MYT1L: variants seen among roughly 807,000 people sequenced by gnomAD.
MYT1L encodes myelin transcription factor 1-like protein.
Under a neutral mutation model 126.7 loss-of-function variants are expected in MYT1L, and 12 were observed. That is an observed-to-expected ratio of 0.09 (90% confidence interval 0.06 to 0.15). The LOEUF (loss-of-function observed/expected upper bound fraction) is 0.15. Ranked by LOEUF, MYT1L falls within the 10% of genes least tolerant of loss-of-function variation. MYT1L has a pLI of 1.00. For missense variants in MYT1L, 979 were observed against 1,585.2 expected (o/e 0.62, Z 6.49); for synonymous variants, 541 against 604.2 (o/e 0.90, Z 1.53).
rs190851532 is a variant in MYT1L at position 2,052,793 on chromosome 2, T to C, written c.-158+1185A>G. On this transcript the variant is annotated intron_variant, in intron 4 of 24. Coordinates refer to ENST00000647738, the MANE Select transcript of MYT1L (RefSeq NM_001303052.2). ...CACAGGAAAGAGTTAAGTGTTGGCC[T>C]GGATATGGAGAAATTGGAATCCTTG... Among the ~76,000 whole-genome samples the C allele has an allele frequency of 2.6e-5, 4 of 152,316 alleles. No individual in the cohort carries two copies. In the East Asian group the frequency reaches 7.7e-4, roughly 29 times the overall value.
chr2:2,144,770 A>G (rs941669671), intron 3 of MYT1L, among the ~76,000 whole-genome samples: 6 of 152,180 alleles, frequency 3.9e-5, no homozygotes, highest in African/African-American at 1.2e-4. Flanking sequence ...TTTAAATGTT[A>G]TTTTTAATAG....
At chr2:2,273,537 G>A (rs2095305772) in intron 2 of MYT1L, among the ~76,000 whole-genome samples, 1 of 152,186 alleles carries the variant, frequency 6.6e-6, no homozygotes, top group East Asian at 1.9e-4. Flanking sequence ...TGGTCGCCCA[G>A]CCAAAGCCAG....
Position 1,793,382 on chromosome 2 carries a change from G to C in MYT1L, c.3277-918C>G, listed in dbSNP as rs1375775318. Among the ~76,000 whole-genome samples, 1 of 152,194 alleles carries C rather than the reference G, an allele frequency of 6.6e-6. No individual in the cohort carries two copies. Among genetic ancestry groups the C allele is most frequent in the Admixed American group, 6.5e-5 (1 of 15,290 alleles). On this transcript the variant is annotated intron_variant, in intron 23 of 24. Transcript: ENST00000647738. This position sits in a 1 kb window ranked among gnomAD's most constrained non-coding sequence, Gnocchi z 4.6. ...TTGGGCACCCAAGGGTGCCTCTGCC[G>C]TGCATGATCTGGGGCTTCTTCCTGG...
At chr2:2,064,161 A>G (rs1402483809) in intron 3 of MYT1L, among the ~76,000 whole-genome samples, 1 of 152,212 alleles carries the variant, frequency 6.6e-6, no homozygotes, top group Non-Finnish European at 1.5e-5. Flanking sequence ...GAAAATGGCA[A>G]GTGTGAAACC....
At chr2:1,871,893 G>A (rs1010614502) in intron 18 of MYT1L, among the ~76,000 whole-genome samples, 2 of 152,138 alleles carry the variant, frequency 1.3e-5, no homozygotes, top group African/African-American at 4.8e-5. Flanking sequence ...GACCATCCAA[G>A]CTGAAGCTGC....
intron 3 of MYT1L, among the ~76,000 whole-genome samples, chr2:2,132,544 GA>G (rs2082510672): frequency 1.3e-5 from 2 of 149,132 alleles, no homozygotes; most frequent in African/African-American, 5.0e-5. Flanking sequence ...TGGACACAGA[GA>G]GGGGAACATC....
At chr2:2,208,150 G>C (rs932709422) in intron 2 of MYT1L, among the ~76,000 whole-genome samples, 2 of 152,088 alleles carry the variant, frequency 1.3e-5, no homozygotes, top group Non-Finnish European at 2.9e-5. Context: ...GCCGTCTCAG[G>C]GGAAGCCCAC....
chr2:2,233,541 C>T (rs2094210575), intron 2 of MYT1L, among the ~76,000 whole-genome samples: 2 of 152,218 alleles, frequency 1.3e-5, no homozygotes, highest in Admixed American at 1.3e-4. Flanking sequence ...TCTGGTGTCT[C>T]AGGACACTCG....
intron 1 of MYT1L, chr2:2,303,967 C>G (rs2095823645): frequency 6.6e-6 from 1 of 152,152 alleles, no homozygotes; most frequent in South Asian, 2.1e-4. Context: ...TGTCAGCAAT[C>G]CCAAGATTTC....
intron 8 of MYT1L, among the ~76,000 whole-genome samples, chr2:1,968,598 A>T (rs1157912728): frequency 6.6e-6 from 1 of 152,146 alleles, no homozygotes; most frequent in Non-Finnish European, 1.5e-5. Context: ...TTCCCTCAGC[A>T]GGAGACAGAG....
chr2:1,808,821 C>T (rs895680069), intron 22 of MYT1L, among the ~76,000 whole-genome samples: 5 of 152,274 alleles, frequency 3.3e-5, no homozygotes, highest in East Asian at 1.9e-4. Context: ...GTAAATCGTC[C>T]AGTGCTGGAG....
At chr2:2,176,628 A>G (rs2148587813) in intron 2 of MYT1L, among the ~76,000 whole-genome samples, 1 of 151,770 alleles carries the variant, frequency 6.6e-6, no homozygotes, top group East Asian at 2.0e-4. Flanking sequence ...CCTCCCTAGT[A>G]GCTGAGATTA....
intron 9 of MYT1L, among the ~76,000 whole-genome samples, chr2:1,924,608 T>C (rs1171162177): frequency 6.6e-6 from 1 of 152,192 alleles, no homozygotes; most frequent in Non-Finnish European, 1.5e-5. Flanking sequence ...CAGAAAATAA[T>C]ATCCTTATTA....
intron 1 of MYT1L, among the ~76,000 whole-genome samples, chr2:2,314,803 A>T (rs1158148344): frequency 2.6e-5 from 4 of 152,332 alleles, no homozygotes; most frequent in East Asian, 1.9e-4. Context: ...TAATGAAAAC[A>T]GTATGGTACT....
chr2:2,148,860 C>G (rs1393370048), intron 3 of MYT1L, among the ~76,000 whole-genome samples: 1 of 152,100 alleles, frequency 6.6e-6, no homozygotes, highest in Non-Finnish European at 1.5e-5. Flanking sequence ...TTATGGAATT[C>G]TTCTTATGTG....
intron 1 of MYT1L, among the ~76,000 whole-genome samples, chr2:2,302,623 C>G (rs2095801377): frequency 2.0e-5 from 3 of 152,170 alleles, no homozygotes; most frequent in Non-Finnish European, 4.4e-5. Context: ...CTTTCCGTCC[C>G]TAGAAAGATA....
chr2:1,894,177 G>GAGAAGCGTGTCTGAGTGTCCCTC, intron 14 of MYT1L, among the ~76,000 whole-genome samples: 1 of 152,240 alleles, frequency 6.6e-6, no homozygotes, highest in Non-Finnish European at 1.5e-5. Context: ...AGCTGTCCCT[G>GAGAAGCGTGTCTGAGTGTCCCTC]AGAAGCGTGT....
intron 2 of MYT1L, among the ~76,000 whole-genome samples, chr2:2,247,576 C>T (rs948286931): frequency 6.6e-6 from 1 of 152,138 alleles, no homozygotes. Flanking sequence ...ACAGAATACA[C>T]ATTATTTTCT....
chr2:2,008,024 C>T (rs974036739), intron 4 of MYT1L, among the ~76,000 whole-genome samples: 1 of 152,126 alleles, frequency 6.6e-6, no homozygotes, highest in African/African-American at 2.4e-5. Flanking sequence ...GTAGAACCTA[C>T]GATTGGCTTT....
Sources: gnomAD v4.1 joint callset for allele counts (sites outside exome capture counted in the v4.1 genomes callset) on GRCh38, gnomAD v4.1.1 for gene constraint, Gnocchi (gnomAD v3.1) non-coding constraint, MANE v1.5 for transcripts, NCBI Gene and HGNC (gene_info 2026-07-23, HGNC 2026-07-21) for gene names.